Variants in CYLD observed in about 807,000 individuals in gnomAD.
CYLD encodes ubiquitin carboxyl-terminal hydrolase CYLD.
Under a neutral mutation model 104.5 loss-of-function variants are expected in CYLD, and 26 were observed. The ratio of observed to expected loss-of-function variants is 0.25; its 90% CI spans 0.18 to 0.35. The LOEUF is 0.35. Ranked by LOEUF, CYLD falls within the 10% of genes least tolerant of loss-of-function variation. CYLD has a pLI of 1.00. For missense variants in CYLD, 703 were observed against 1,136.1 expected (o/e 0.62, Z 5.48); for synonymous variants, 385 against 399.9 (o/e 0.96, Z 0.45).
At chr16:50,789,002 T>G (rs984071964) in intron 14 of CYLD, among the ~76,000 whole-genome samples, 3 of 152,238 alleles carry the variant, frequency 2.0e-5, no homozygotes, top group African/African-American at 7.2e-5. Context: ...AAGCAAGATC[T>G]TAACATACTT....
intron 5 of CYLD, among the ~76,000 whole-genome samples, chr16:50,769,094 C>T (rs1009172219): frequency 2.6e-4 from 40 of 152,080 alleles, no homozygotes; most frequent in African/African-American, 8.7e-4. Context: ...TGTTGATGGA[C>T]ACTTGAGTTT....
chr16:50,781,733 T>G (rs1970233542), intron 10 of CYLD, among the ~76,000 whole-genome samples: 1 of 152,134 alleles, frequency 6.6e-6, no homozygotes, highest in Non-Finnish European at 1.5e-5. Flanking sequence ...TTTTTTTTTT[T>G]ACTGACTTCC....
In CYLD at chr16:50,742,768, C is replaced by G. The variant is rs1450894811; in HGVS notation, c.-197C>G. ...GTTCTGCTTTTTCTTTCAGTTTCCC[C>G]CTTTCTAGGGTGAGGATGGTTCTAC... is the stretch of plus-strand genomic sequence containing the variant. On this transcript the variant is annotated 5_prime_UTR_variant, in exon 2 of 19. Coordinates refer to ENST00000427738, the MANE Select transcript of CYLD (RefSeq NM_001378743.1). 1.0e-5 allele frequency: 4 copies of G among 398,668 alleles called. No individual in the cohort carries two copies. The highest frequency in any genetic ancestry group is 8.2e-5 in the African/African-American group (4 of 48,602). 24.7% of individuals were successfully genotyped at this position (398,668 alleles called of 1,614,324 possible).
chr16:50,765,510 C>G (rs1968404615), intron 5 of CYLD, among the ~76,000 whole-genome samples: 1 of 152,106 alleles, frequency 6.6e-6, no homozygotes. Context: ...CATAATCCTA[C>G]AATGGCCTCT....
chr16:50,781,255 T>C lies in CYLD; in HGVS notation c.1528T>C (p.Cys510Arg), dbSNP rs1970192866. The C allele has an allele frequency of 6.2e-7, 1 of 1,613,876 alleles. No individual in the cohort carries two copies. The highest frequency in any genetic ancestry group is 8.5e-7 in the Non-Finnish European group (1 of 1,179,830). ...VLAGLELEDECAGCTDGTFRG... is the reference protein window; with the variant it reads ...VLAGLELEDERAGCTDGTFRG... ...AGCATTTCTTTTTCAGGAAGATGAG[T>C]GTGCAGGCTGTACGGATGGAACCTT... The change falls in exon 10 of 19, where the codon TGT becomes CGT. Residue 510 changes from cysteine to arginine, a missense_variant. Around this residue, in one of 5 missense-constraint regions of CYLD, gnomAD observed 125 missense variants for 325.4 expected, o/e 0.38. Coordinates refer to ENST00000427738, the MANE Select transcript of CYLD (RefSeq NM_001378743.1).
In CYLD at chr16:50,742,925, T is replaced by G; in HGVS notation, c.-124+84T>G. On this transcript the variant is annotated intron_variant, in intron 2 of 18. Transcript: ENST00000427738. ...GGGGGGCGGGGGCGAAGTCATGAAATCTTCAGGAGATGGTGTTGAGTTTGG... is the reference window on the plus strand; with the variant it reads ...GGGGGGCGGGGGCGAAGTCATGAAAGCTTCAGGAGATGGTGTTGAGTTTGG... The G allele has an allele frequency of 7.6e-6, 3 of 397,320 alleles. No homozygotes were observed. The East Asian group carries it at 1.1e-4, about 14-fold the overall frequency. The allele number at this position is 397,320 out of a possible 1,614,324, so 24.6% of individuals were successfully genotyped here. A position where few individuals can be genotyped will look rare whatever the true frequency, so the allele number is the denominator to read the frequency against.
At chr16:50,782,295 C>A in intron 10 of CYLD, 30 bp from the exon 11 acceptor site, 1 of 1,463,954 alleles carries the variant, frequency 6.8e-7, no homozygotes, top group Non-Finnish European at 9.4e-7. Context: ...GAATTCTTTT[C>A]ATTTACTTTT....
intron 5 of CYLD, among the ~76,000 whole-genome samples, chr16:50,774,728 A>T (rs1021297660): frequency 6.6e-6 from 1 of 152,196 alleles, no homozygotes; most frequent in Non-Finnish European, 1.5e-5. Flanking sequence ...TCAAAACAGC[A>T]TGCAACTTAA....
intron 17 of CYLD, among the ~76,000 whole-genome samples, chr16:50,793,990 C>T (rs938738458): frequency 8.7e-5 from 13 of 149,052 alleles, no homozygotes; most frequent in Admixed American, 2.0e-4. Context: ...TGCAGTGGCA[C>T]GATCTCGGCC....
At chr16:50,792,534 G>C in intron 15 of CYLD, 63 bp from the exon 16 acceptor site, 2 of 1,196,954 alleles carry the variant, frequency 1.7e-6, no homozygotes, top group Non-Finnish European at 2.4e-6. Context: ...GACTATTTTG[G>C]TTTCATAGGG....
rs555296231 is a variant in CYLD at position 50,753,713 on chromosome 16, A to G, written c.808-606A>G. On this transcript the variant is annotated intron_variant, in intron 4 of 18. Transcript: ENST00000427738. ...GTCTGACTGGCCCGTCTACTGATGT[A>G]GTTCCCTGTACAGCACAGTGCTAGT... Among the ~76,000 whole-genome samples, 5 of 152,322 alleles carry G rather than the reference A, an allele frequency of 3.3e-5. No homozygotes were observed. In the East Asian group the frequency reaches 9.6e-4, roughly 29 times the overall value.
intron 5 of CYLD, among the ~76,000 whole-genome samples, chr16:50,755,153 A>G (rs200021697): frequency 2.4e-5 from 3 of 126,934 alleles, no homozygotes; most frequent in East Asian, 2.1e-4. Context: ...ATATGTGTGT[A>G]TATACACACG....
intron 5 of CYLD, among the ~76,000 whole-genome samples, chr16:50,766,904 A>G (rs887906624): frequency 2.0e-5 from 3 of 152,242 alleles, no homozygotes; most frequent in African/African-American, 7.2e-5. Flanking sequence ...CCTGGTGAGG[A>G]TATTGTGAAC....
At chr16:50,776,318 T>C in intron 7 of CYLD, 41 bp downstream of exon 7, 1 of 1,297,256 alleles carries the variant, frequency 7.7e-7, no homozygotes, top group African/African-American at 1.5e-5. Flanking sequence ...ATTTGCATAA[T>C]GCCTAACTTG....
Position 50,780,063 on chromosome 16 carries a change from A to C in CYLD, c.1518+19A>C. On this transcript the variant is annotated intron_variant, in intron 9 of 18. Coordinates refer to ENST00000427738, the MANE Select transcript of CYLD (RefSeq NM_001378743.1). ...GGAACTGGTAATTTAACTTGACCCA[A>C]AAATTTCAATTTTTTTCTCTGTGAG... 1 of 1,613,560 alleles carries C rather than the reference A, an allele frequency of 6.2e-7. No homozygotes were observed.
At chr16:50,790,737 T>C (rs372536583) in intron 14 of CYLD, among the ~76,000 whole-genome samples, 9 of 152,240 alleles carry the variant, frequency 5.9e-5, no homozygotes, top group African/African-American at 2.2e-4. Flanking sequence ...GAAAACTATG[T>C]TAATATTTTC....
At chr16:50,781,570 G>A (rs1970217787) in intron 10 of CYLD, among the ~76,000 whole-genome samples, 159 bp downstream of exon 10, 1 of 152,218 alleles carries the variant, frequency 6.6e-6, no homozygotes, top group South Asian at 2.1e-4. Flanking sequence ...GTATAAGAAA[G>A]TTGTTTTAAG....
At chr16:50,753,236 G>A (rs3785142) in intron 4 of CYLD, among the ~76,000 whole-genome samples, 86,024 of 152,068 alleles carry the variant, frequency 0.57, 25,614 homozygotes, top group African/African-American at 0.75. Flanking sequence ...ATAGCTGACA[G>A]TAAAGCACTC....
At chr16:50,776,439 C>T (rs971436853) in intron 7 of CYLD, among the ~76,000 whole-genome samples, 162 bp downstream of exon 7, 2 of 152,130 alleles carry the variant, frequency 1.3e-5, no homozygotes, top group Non-Finnish European at 2.9e-5. Flanking sequence ...AATACTGTTG[C>T]TTAAGCCAAG....
Sources: gnomAD v4.1 joint callset for allele counts (sites outside exome capture counted in the v4.1 genomes callset) on GRCh38, gnomAD v4.1.1 for gene constraint, gnomAD v4.1.1 regional missense constraint, MANE v1.5 for transcripts, NCBI Gene and HGNC (gene_info 2026-07-23, HGNC 2026-07-21) for gene names.